ROBO2: variants seen among roughly 807,000 people sequenced by gnomAD.
The protein encoded by ROBO2 is roundabout guidance receptor 2.
Under a neutral mutation model 160.8 loss-of-function variants are expected in ROBO2, and 53 were observed. The ratio of observed to expected loss-of-function variants is 0.33; its 90% confidence interval spans 0.26 to 0.41. The LOEUF (loss-of-function observed/expected upper bound fraction) is 0.41. ROBO2 is among the 10% of genes least tolerant of loss of function. The pLI is 1.00. For synonymous variants in ROBO2, 664 were observed against 611.7 expected, an observed-to-expected ratio of 1.09 and a Z score of -1.26; for missense variants, 1,577 against 1,722.4, an observed-to-expected ratio of 0.92 and a Z score of 1.49.
intron 2 of ROBO2, among the ~76,000 whole-genome samples, chr3:76,718,675 C>CA (rs1304102836): frequency 6.6e-6 from 1 of 152,170 alleles, no homozygotes; most frequent in African/African-American, 2.4e-5. Context: ...TAATCTATTA[C>CA]AAAAACTTTC....
intron 2 of ROBO2, among the ~76,000 whole-genome samples, chr3:76,658,197 A>T (rs2091659846): frequency 6.6e-6 from 1 of 151,832 alleles, no homozygotes; most frequent in Non-Finnish European, 1.5e-5. Context: ...CTGTAATTCC[A>T]ATACCCAGAC....
intron 2 of ROBO2, 61 bp from the exon 3 acceptor site, chr3:77,477,353 A>G (rs1164094301): frequency 6.4e-7 from 1 of 1,554,732 alleles, no homozygotes; most frequent in African/African-American, 1.4e-5. Context: ...GTTACCTTGT[A>G]CAACAAAAAG....
chr3:76,337,470 A>C (rs2073965232), intron 2 of ROBO2, among the ~76,000 whole-genome samples: 1 of 152,198 alleles, frequency 6.6e-6, no homozygotes, highest in Non-Finnish European at 1.5e-5. Flanking sequence ...TTGCTAACAA[A>C]ACCATTTTAT....
chr3:77,013,456 A>G (rs553064713), intron 2 of ROBO2, among the ~76,000 whole-genome samples: 1 of 152,290 alleles, frequency 6.6e-6, no homozygotes, highest in East Asian at 1.9e-4. Flanking sequence ...AAACTCATAT[A>G]TTAAATTTAA....
chr3:77,252,500 A>T (rs1470893415), intron 2 of ROBO2, among the ~76,000 whole-genome samples: 1 of 152,052 alleles, frequency 6.6e-6, no homozygotes, highest in South Asian at 2.1e-4. Flanking sequence ...AGAGCATTTT[A>T]TATATCATTA....
At chr3:75,919,486 C>A (rs1177370302) in intron 1 of ROBO2, among the ~76,000 whole-genome samples, 1 of 152,052 alleles carries the variant, frequency 6.6e-6, no homozygotes, top group Non-Finnish European at 1.5e-5. Context: ...GTGATATTGG[C>A]CTGAAATTTT....
chr3:76,512,322 G>GTGTA (rs1553779804), intron 2 of ROBO2, among the ~76,000 whole-genome samples: 3 of 140,496 alleles, frequency 2.1e-5, no homozygotes, highest in African/African-American at 8.4e-5. Context: ...ATATATATAT[G>GTGTA]TATATATATA....
intron 2 of ROBO2, among the ~76,000 whole-genome samples, chr3:76,352,321 A>G (rs1256449332): frequency 2.6e-5 from 4 of 152,008 alleles, no homozygotes; most frequent in African/African-American, 7.2e-5. Context: ...GAGGCAAGTC[A>G]GGCACATCCC....
At chr3:77,488,735 G>A (rs1003236110) in intron 4 of ROBO2, among the ~76,000 whole-genome samples, 4 of 152,264 alleles carry the variant, frequency 2.6e-5, no homozygotes, top group African/African-American at 9.6e-5. Flanking sequence ...ATTTGTGTCT[G>A]AAAGGGGCTT....
chr3:76,169,066 T>C (rs2072939047), intron 2 of ROBO2, among the ~76,000 whole-genome samples: 2 of 152,222 alleles, frequency 1.3e-5, no homozygotes, highest in Admixed American at 1.3e-4. Context: ...CCTGAGAAGG[T>C]AGCATGTGAT....
intron 2 of ROBO2, among the ~76,000 whole-genome samples, chr3:76,515,532 GT>G (rs2081309161): frequency 6.6e-6 from 1 of 151,712 alleles, no homozygotes; most frequent in Non-Finnish European, 1.5e-5. Context: ...AAGGACTCAG[GT>G]ATGTTGAATT....
chr3:76,568,481 T>C (rs1245302588), intron 2 of ROBO2, among the ~76,000 whole-genome samples: 1 of 143,388 alleles, frequency 7.0e-6, no homozygotes, highest in Admixed American at 7.0e-5. Context: ...TTTTTTTTTG[T>C]ATTTTTAGTA....
Position 76,863,672 on chromosome 3 carries a change from G to A in ROBO2, c.110-234342G>A, listed in dbSNP as rs1385321572. On this transcript the variant is annotated intron_variant, in intron 2 of 26. Coordinates refer to the ROBO2 transcript ENST00000487694. ...GGGGCATACCTGTTTATCTTAGCAC[G>A]GATATGCCAAAGGAGTAGGTTCTTA... Among the ~76,000 whole-genome samples, 4 of 151,844 alleles carry A rather than the reference G, an allele frequency of 2.6e-5. No individual in the cohort carries two copies. In the South Asian group the frequency reaches 6.2e-4, roughly 24 times the overall value.
intron 2 of ROBO2, among the ~76,000 whole-genome samples, chr3:76,897,289 T>C (rs1369414483): frequency 6.9e-6 from 1 of 145,514 alleles, no homozygotes; most frequent in Non-Finnish European, 1.5e-5. Context: ...CAAAAAAAAA[T>C]GCTGGCTTTA....
intron 13 of ROBO2, among the ~76,000 whole-genome samples, chr3:77,572,510 A>T (rs2093662279): frequency 6.7e-6 from 1 of 150,052 alleles, no homozygotes; most frequent in Non-Finnish European, 1.5e-5. Flanking sequence ...TTTTTTTTTT[A>T]CCTGACCTCA....
chr3:76,212,721 T>G (rs1703224684), intron 2 of ROBO2, among the ~76,000 whole-genome samples: 1 of 152,084 alleles, frequency 6.6e-6, no homozygotes, highest in Admixed American at 6.6e-5. Context: ...GCGTAAGTTT[T>G]CCCTTGTCCA....
At chr3:77,380,508 G>A (rs1007497297) in intron 2 of ROBO2, among the ~76,000 whole-genome samples, 9 of 152,258 alleles carry the variant, frequency 5.9e-5, no homozygotes, top group Middle Eastern at 3.4e-3. Context: ...GGAGAAGAAT[G>A]AAAATCAATG....
exon 25 of ROBO2, chr3:77,644,715 G>T: frequency 6.2e-7 from 1 of 1,613,938 alleles, no homozygotes; most frequent in Non-Finnish European, 8.5e-7. Context: ...GGAGGCCTTG[G>T]TGCCCTATAG....
chr3:76,989,040 C>T (rs2149361365), intron 2 of ROBO2, among the ~76,000 whole-genome samples: 1 of 152,120 alleles, frequency 6.6e-6, no homozygotes, highest in South Asian at 2.1e-4. Flanking sequence ...CCCTAAACAC[C>T]TTCTTAACAT....
Sources: allele counts gnomAD v4.1 joint callset (sites outside exome capture counted in the v4.1 genomes callset), GRCh38; gene constraint gnomAD v4.1.1; transcripts MANE v1.5; gene names NCBI Gene and HGNC (gene_info 2026-07-23, HGNC 2026-07-21).